Variants in PTPRT observed in about 807,000 individuals in gnomAD.
PTPRT encodes protein tyrosine phosphatase receptor type T, also known as receptor-type tyrosine-protein phosphatase T.
PTPRT carries 56 observed loss-of-function variants against 176.8 expected under a neutral mutation model. The ratio of observed to expected loss-of-function variants is 0.32; its 90% CI spans 0.26 to 0.40. The LOEUF is 0.40. Among genes scored for constraint, PTPRT ranks in the 10% least tolerant of loss-of-function variants. The pLI is 1.00. For synonymous variants in PTPRT, 783 were observed against 739.0 expected (o/e 1.06, Z -0.96); for missense variants, 1,540 against 1,908.2 (o/e 0.81, Z 3.60).
chr20:42,532,257 C>T (rs982363011), intron 7 of PTPRT, among the ~76,000 whole-genome samples: 4 of 152,088 alleles, frequency 2.6e-5, no homozygotes, highest in Admixed American at 1.3e-4. Flanking sequence ...CTGAAGTCCC[C>T]ACCCCATAGG....
chr20:43,071,993 T>C (rs368014326), intron 1 of PTPRT, among the ~76,000 whole-genome samples: 1 of 152,214 alleles, frequency 6.6e-6, no homozygotes, highest in African/African-American at 2.4e-5. Context: ...ATGTGGGCCA[T>C]TCTAGACATA....
intron 16 of PTPRT, among the ~76,000 whole-genome samples, chr20:42,172,594 G>A (rs1315868115): frequency 6.6e-6 from 1 of 152,102 alleles, no homozygotes; most frequent in East Asian, 1.9e-4. Context: ...TAACATAAAC[G>A]GGTCTTAAAT....
At chr20:42,596,225 C>T (rs1381608597) in intron 7 of PTPRT, among the ~76,000 whole-genome samples, 2 of 152,154 alleles carry the variant, frequency 1.3e-5, no homozygotes, top group African/African-American at 4.8e-5. Flanking sequence ...GGAATATGTG[C>T]TGCTCACTTC....
At chr20:42,604,706 C>T (rs2073842179) in intron 7 of PTPRT, among the ~76,000 whole-genome samples, 1 of 152,176 alleles carries the variant, frequency 6.6e-6, no homozygotes, top group African/African-American at 2.4e-5. Context: ...ATCAATAAGC[C>T]TTCCTAAGGG....
intron 12 of PTPRT, among the ~76,000 whole-genome samples, chr20:42,294,776 T>C (rs1409110947): frequency 6.6e-6 from 1 of 151,644 alleles, no homozygotes; most frequent in East Asian, 1.9e-4. Flanking sequence ...AACCAAAATA[T>C]ACAAAAGATC....
At chr20:42,884,764 T>C (rs2079076336) in intron 2 of PTPRT, among the ~76,000 whole-genome samples, 1 of 152,036 alleles carries the variant, frequency 6.6e-6, no homozygotes, top group South Asian at 2.1e-4. Context: ...GAGCCTTTGG[T>C]CAAGCAGAAA....
intron 12 of PTPRT, among the ~76,000 whole-genome samples, chr20:42,283,009 C>G (rs540441246): frequency 6.6e-6 from 1 of 152,306 alleles, no homozygotes; most frequent in Admixed American, 6.5e-5. Context: ...ACATGTCAAA[C>G]TCAAACTGCA....
intron 1 of PTPRT, among the ~76,000 whole-genome samples, chr20:43,005,319 C>T (rs1279230328): frequency 1.3e-5 from 2 of 152,138 alleles, no homozygotes; most frequent in African/African-American, 2.4e-5. Context: ...CTGTGACTCC[C>T]GGTGCTCTGG....
chr20:42,942,472 T>C (rs1262618701), intron 1 of PTPRT, among the ~76,000 whole-genome samples: 1 of 152,246 alleles, frequency 6.6e-6, no homozygotes, highest in Non-Finnish European at 1.5e-5. Context: ...GTGTTCTTAC[T>C]ACACTTCACA....
intron 7 of PTPRT, among the ~76,000 whole-genome samples, chr20:42,542,456 A>C (rs1382013661): frequency 6.6e-6 from 1 of 152,210 alleles, no homozygotes; most frequent in Non-Finnish European, 1.5e-5. Flanking sequence ...CAGACACATA[A>C]AATGAAATTT....
intron 9 of PTPRT, among the ~76,000 whole-genome samples, chr20:42,421,190 C>T (rs2059114997): frequency 6.6e-6 from 1 of 152,126 alleles, no homozygotes; most frequent in Admixed American, 6.5e-5. Context: ...GTCTGCACTT[C>T]TCTTCTCAAC....
At position 42,832,791 on chromosome 20, in the gene PTPRT, T is replaced by C. The variant is rs1231426368; in HGVS notation, c.215-41325A>G. ...CTTATGTAATCCAAAAGCCAACTAA[T>C]AGGATTTGTTAAAAAAAAAAAAAAA... On this transcript the variant is annotated intron_variant, in intron 2 of 30. Coordinates refer to ENST00000373187, the MANE Select transcript of PTPRT (RefSeq NM_007050.6). Among the ~76,000 whole-genome samples, 54 of 98,548 alleles carry C rather than the reference T, an allele frequency of 5.5e-4. 1 individual carries two copies. The Admixed American group carries it at 5.7e-3, about 10-fold the overall frequency. The allele number at this position is 98,548 out of a possible 152,430, so 64.7% of individuals were successfully genotyped here. A position where few individuals can be genotyped will look rare whatever the true frequency, so the allele number is the denominator to read the frequency against.
intron 2 of PTPRT, among the ~76,000 whole-genome samples, chr20:42,834,444 G>GA (rs2078146571): frequency 6.6e-6 from 1 of 152,042 alleles, no homozygotes; most frequent in Admixed American, 6.6e-5. Flanking sequence ...CAACCATTTT[G>GA]AAAAACAGAT....
At chr20:42,786,737 T>C (rs910898033) in intron 3 of PTPRT, among the ~76,000 whole-genome samples, 13 of 152,206 alleles carry the variant, frequency 8.5e-5, no homozygotes, top group Admixed American at 7.9e-4. Context: ...GTCCTATATA[T>C]GGGGTTTCTA....
chr20:42,502,937 G>A (rs2071777524), intron 7 of PTPRT, among the ~76,000 whole-genome samples: 1 of 152,004 alleles, frequency 6.6e-6, no homozygotes, highest in Non-Finnish European at 1.5e-5. Flanking sequence ...TTAAATATTT[G>A]CTGTTCTAAT....
chr20:42,241,906 A>T lies in PTPRT; in HGVS notation c.2313-5648T>A, dbSNP rs542098506. Among the ~76,000 whole-genome samples the T allele has an allele frequency of 7.2e-5, 11 of 152,250 alleles. No individual in the cohort carries two copies. In the East Asian group the frequency reaches 2.1e-3, roughly 29 times the overall value. On this transcript the variant is annotated intron_variant, in intron 14 of 30. Coordinates refer to ENST00000373187, the MANE Select transcript of PTPRT (RefSeq NM_007050.6). ...AGGTCCTGTTTTATATTTAATCCAGATTAGATGATGTTTCAGAGTGTGGAC... is the reference window on the plus strand; with the variant it reads ...AGGTCCTGTTTTATATTTAATCCAGTTTAGATGATGTTTCAGAGTGTGGAC...
At chr20:42,917,080 T>A (rs1243911868) in intron 1 of PTPRT, among the ~76,000 whole-genome samples, 1 of 152,186 alleles carries the variant, frequency 6.6e-6, no homozygotes, top group Non-Finnish European at 1.5e-5. Context: ...TCTTCTAGGG[T>A]TTTTATGGTT....
chr20:42,248,906 T>C, intron 13 of PTPRT, 84 bp from the exon 14 acceptor site: 1 of 1,511,754 alleles, frequency 6.6e-7, no homozygotes. Context: ...ACAGCTTCCT[T>C]TAGTTGAGTG....
chr20:42,215,633 C>T (rs1002957113), intron 15 of PTPRT, among the ~76,000 whole-genome samples: 6 of 152,310 alleles, frequency 3.9e-5, no homozygotes, highest in African/African-American at 1.4e-4. Flanking sequence ...GACCCGAAAC[C>T]AAACCAGCCA....
Sources: allele counts gnomAD v4.1 joint callset (sites outside exome capture counted in the v4.1 genomes callset), GRCh38; gene constraint gnomAD v4.1.1; transcripts MANE v1.5; gene names NCBI Gene and HGNC (gene_info 2026-07-23, HGNC 2026-07-21).